Variants in SMARCA5 observed in about 807,000 individuals in gnomAD.
The protein encoded by SMARCA5 is SWI/SNF-related matrix-associated actin-dependent regulator of chromatin subfamily A member 5.
SMARCA5 carries 18 observed loss-of-function variants against 140.4 expected under a neutral mutation model. The ratio of observed to expected loss-of-function variants is 0.13; its 90% CI spans 0.09 to 0.19. The LOEUF is 0.19. Ranked by LOEUF, SMARCA5 falls within the 10% of genes least tolerant of loss-of-function variation. SMARCA5 has a pLI of 1.00. For missense variants in SMARCA5, 606 were observed against 1,276.8 expected (o/e 0.47, Z 8.01); for synonymous variants, 449 against 419.6 (o/e 1.07, Z -0.86).
intron 2 of SMARCA5, among the ~76,000 whole-genome samples, chr4:143,520,215 G>C (rs1736928297): frequency 6.6e-6 from 1 of 152,112 alleles, no homozygotes; most frequent in Non-Finnish European, 1.5e-5. Flanking sequence ...TCTTGTAGAT[G>C]CGTGCTCTTG....
intron 13 of SMARCA5, among the ~76,000 whole-genome samples, 154 bp from the exon 14 acceptor site, chr4:143,540,209 G>C (rs1382025533): frequency 6.6e-6 from 1 of 152,120 alleles, no homozygotes; most frequent in Non-Finnish European, 1.5e-5. Context: ...TAACCTAGCA[G>C]AATTCATCTG....
In SMARCA5 at chr4:143,554,685, T is replaced by C. The variant is rs1048598130; in HGVS notation, c.*1501T>C. ...CTTTTTAAATACTATGTTAGATTCT[T>C]AACAGTTAAAGGTCTAATACATGCA... is the stretch of plus-strand genomic sequence containing the variant. On this transcript the variant is annotated 3_prime_UTR_variant, in exon 24 of 24. Coordinates refer to ENST00000283131, the MANE Select transcript of SMARCA5 (RefSeq NM_003601.4). 8.4e-5 allele frequency: 13 copies of C among 154,364 alleles called. No homozygotes were observed. Among genetic ancestry groups the C allele is most frequent in the African/African-American group, 3.1e-4 (13 of 41,596 alleles). 9.6% of individuals were successfully genotyped at this position (154,364 alleles called of 1,614,324 possible).
intron 2 of SMARCA5, 28 bp downstream of exon 2, chr4:143,517,457 T>C (rs769175843): frequency 1.3e-5 from 19 of 1,461,694 alleles, no homozygotes; most frequent in Non-Finnish European, 1.8e-5. Flanking sequence ...GAATAGAGTC[T>C]ATAAGGAAAA....
chr4:143,556,179 ACTT>A lies in SMARCA5; in HGVS notation c.*2998_*3000del, dbSNP rs1364793262. 2.0e-5 allele frequency: 3 copies of A among 152,204 alleles called. No homozygotes were observed. The highest frequency in any genetic ancestry group is 4.4e-5 in the Non-Finnish European group (3 of 68,040). 9.4% of individuals were successfully genotyped at this position (152,204 alleles called of 1,614,324 possible). A position where few individuals can be genotyped will look rare whatever the true frequency, so the allele number is the denominator to read the frequency against. The stretch of plus-strand genomic sequence containing the variant: ...CTAAAGTCTGGAAAATGCTAAAAAC[ACTT>A]CTGGTTCCAGGCATTTCAGATAAGG... On this transcript the variant is annotated 3_prime_UTR_variant, in exon 24 of 24. Transcript: ENST00000283131.
intron 13 of SMARCA5, 147 bp downstream of exon 13, chr4:143,539,085 TC>T: frequency 1.4e-6 from 1 of 728,056 alleles, no homozygotes; most frequent in East Asian, 2.6e-5. Flanking sequence ...GAGGTGATCT[TC>T]CATCTAAATA....
rs1318089667 is a variant in SMARCA5 at position 143,545,457 on chromosome 4, TG to T, written c.2284-12del. 1 of 1,541,812 alleles carries T rather than the reference TG, an allele frequency of 6.5e-7. No homozygotes were observed. Among genetic ancestry groups the T allele is most frequent in the East Asian group, 2.2e-5 (1 of 44,500 alleles). On this transcript the variant is annotated splice_polypyrimidine_tract_variant and intron_variant, in intron 17 of 23. Transcript: ENST00000283131. Reference sequence around the variant, plus strand: ...CTTTTTTATGGATAACACTTATTTTTGTTTTTCTTTAGGCTCCTCGACCTCC... The same window carrying T: ...CTTTTTTATGGATAACACTTATTTTTTTTTTCTTTAGGCTCCTCGACCTCC...
intron 2 of SMARCA5, among the ~76,000 whole-genome samples, chr4:143,518,491 TA>T (rs1431645831): frequency 1.3e-5 from 2 of 152,200 alleles, no homozygotes; most frequent in East Asian, 3.8e-4. Context: ...CTGTCTTCAG[TA>T]CCCAGAACAG....
rs10580434 is a variant in SMARCA5 at position 143,533,498 on chromosome 4, C to CTTTTTT, written c.1159-1335_1159-1330dup. Among the ~76,000 whole-genome samples the CTTTTTT allele has an allele frequency of 4.4e-4, 56 of 127,534 alleles. 4 individuals are homozygous for CTTTTTT. Among genetic ancestry groups the CTTTTTT allele is most frequent in the African/African-American group, 1.4e-3 (48 of 33,456 alleles). The allele number at this position is 127,534 out of a possible 152,430, so 83.7% of individuals were successfully genotyped here. A position where few individuals can be genotyped will look rare whatever the true frequency, so the allele number is the denominator to read the frequency against. On this transcript the variant is annotated intron_variant, in intron 9 of 23. Coordinates refer to ENST00000283131, the MANE Select transcript of SMARCA5 (RefSeq NM_003601.4). ...GATCTTAATGAGACCCTTGTCCATT[C>CTTTTTT]TTTTTTTTTTTTTTTTTTTTTTTTT...
chr4:143,545,875 C>G, intron 18 of SMARCA5, 50 bp from the exon 19 acceptor site: 1 of 1,545,838 alleles, frequency 6.5e-7, no homozygotes, highest in Non-Finnish European at 8.8e-7. Context: ...TGGTTCATCA[C>G]ATGCTCTTTA....
chr4:143,522,587 A>C (rs775983250), intron 3 of SMARCA5, among the ~76,000 whole-genome samples: 12 of 152,134 alleles, frequency 7.9e-5, no homozygotes, highest in Non-Finnish European at 1.0e-4. Flanking sequence ...CATTCATTAT[A>C]TCTTATTTCT....
In SMARCA5 at chr4:143,543,861, G is replaced by A. The variant is rs1456558943; in HGVS notation, c.2061G>A (p.Glu687=). Residue 687 remains glutamate, a synonymous_variant, in exon 16 of 24, where the codon GAG becomes GAA. Coordinates refer to ENST00000283131, the MANE Select transcript of SMARCA5 (RefSeq NM_003601.4). The part of the protein sequence containing the change: ...ILERGAKKTA[E]MNEKLSKMGE... Reference sequence around the variant, plus strand: ...ATTGTTTTGTTCTCTAGACTGCAGAGATGAATGAAAAGCTCTCCAAGATGG... The same window carrying A: ...ATTGTTTTGTTCTCTAGACTGCAGAAATGAATGAAAAGCTCTCCAAGATGG... 2 of 1,608,394 alleles carry A rather than the reference G, an allele frequency of 1.2e-6. No individual in the cohort carries two copies. Among genetic ancestry groups the A allele is most frequent in the Admixed American group, 1.7e-5 (1 of 58,758 alleles).
rs766979773 is a variant in SMARCA5, at chr4:143,514,005, C to T, written c.81C>T (p.Gly27=). The change falls in exon 1 of 24, where the codon GGC becomes GGT. Residue 27 remains glycine, a synonymous_variant. Transcript: ENST00000283131. ...AGCCCGCAGCCTCGATCGCCAGCGG[C>T]GGGAGCAACAGCAGCAACAAAGGCG... ...PSKPAASIAS[G]GSNSSNKGGP... The T allele has an allele frequency of 6.4e-7, 1 of 1,551,524 alleles. No individual in the cohort carries two copies. The highest frequency in any genetic ancestry group is 8.7e-7 in the Non-Finnish European group (1 of 1,155,624).
chr4:143,514,183 C>A, intron 1 of SMARCA5, 82 bp downstream of exon 1: 1 of 1,309,778 alleles, frequency 7.6e-7, no homozygotes, highest in Non-Finnish European at 1.0e-6. Flanking sequence ...CGATCGGACG[C>A]AGAGCCGGGT....
intron 9 of SMARCA5, among the ~76,000 whole-genome samples, chr4:143,531,327 G>T (rs1192186791): frequency 2.0e-5 from 3 of 152,136 alleles, no homozygotes; most frequent in African/African-American, 7.2e-5. Flanking sequence ...TTCCTGTGAC[G>T]GTTCACAAGT....
intron 8 of SMARCA5, 109 bp from the exon 9 acceptor site, chr4:143,530,349 G>T: frequency 9.7e-6 from 6 of 620,158 alleles, no homozygotes; most frequent in Middle Eastern, 4.7e-4. Flanking sequence ...TTTTTTTTGT[G>T]GGTTACAATT....
chr4:143,532,400 A>C (rs769245747), intron 9 of SMARCA5, among the ~76,000 whole-genome samples: 3 of 152,066 alleles, frequency 2.0e-5, no homozygotes, highest in Middle Eastern at 3.2e-3. Context: ...AGGTACATCT[A>C]GGTAAAGCAA....
At chr4:143,521,212 T>G (rs928796487) in intron 2 of SMARCA5, among the ~76,000 whole-genome samples, 2 of 152,200 alleles carry the variant, frequency 1.3e-5, no homozygotes, top group African/African-American at 4.8e-5. Flanking sequence ...CTATCACTAG[T>G]TAGCATTTCA....
chr4:143,517,311 C>CAG, intron 1 of SMARCA5, 44 bp from the exon 2 acceptor site: 1 of 1,424,218 alleles, frequency 7.0e-7, no homozygotes, highest in South Asian at 1.2e-5. Context: ...GGTATGTTTA[C>CAG]TATTTTCGAA....
At chr4:143,551,446 G>C (rs1373361518) in intron 23 of SMARCA5, among the ~76,000 whole-genome samples, 1 of 152,026 alleles carries the variant, frequency 6.6e-6, no homozygotes, top group Non-Finnish European at 1.5e-5. Context: ...TGCTTTGGTT[G>C]CCTGTGGGGT....
Sources: allele counts gnomAD v4.1 joint callset (sites outside exome capture counted in the v4.1 genomes callset), GRCh38; gene constraint gnomAD v4.1.1; transcripts MANE v1.5; gene names NCBI Gene and HGNC (gene_info 2026-07-23, HGNC 2026-07-21).